The following CUX1 variants were observed in gnomAD, a reference collection of about 807,000 sequenced individuals.
The protein encoded by CUX1 is protein CASP.
CUX1 carries 31 observed loss-of-function variants against 158.8 expected under a neutral mutation model. The observed-to-expected ratio is 0.20, with a 90% CI of 0.15 to 0.26. CUX1 has a LOEUF of 0.26. Among genes scored for constraint, CUX1 ranks in the 10% least tolerant of loss-of-function variants. The probability of loss-of-function intolerance (pLI) is 1.00; values close to 1 mark genes in which losing one functional copy is unlikely to be tolerated. For synonymous variants in CUX1, 879 were observed against 862.1 expected (o/e 1.02, Z -0.34); for missense variants, 1,589 against 2,014.6 (o/e 0.79, Z 4.04).
At chr7:101,954,851 G>A (rs1809563171) in intron 2 of CUX1, among the ~76,000 whole-genome samples, 1 of 151,892 alleles carries the variant, frequency 6.6e-6, no homozygotes, top group Non-Finnish European at 1.5e-5. Context: ...GCATTACATA[G>A]AAATATTTGA....
intron 2 of CUX1, among the ~76,000 whole-genome samples, chr7:102,020,886 A>G (rs551798309): frequency 1.6e-4 from 25 of 151,858 alleles, no homozygotes; most frequent in Admixed American, 5.9e-4. Context: ...GTTTGGAAAA[A>G]AAAAAAAAAA....
chr7:102,202,260 C>A lies in CUX1; in HGVS notation c.2907+56C>A, dbSNP rs1009879500. 13 of 1,539,440 alleles carry A rather than the reference C, an allele frequency of 8.4e-6. No homozygotes were observed. The Admixed American group carries it at 2.3e-4, about 28-fold the overall frequency. On this transcript the variant is annotated intron_variant, in intron 18 of 23. Coordinates refer to ENST00000292535, the MANE Select transcript of CUX1 (RefSeq NM_181552.4). ...TCCCATCTCTTCTCCTTGCTGAGGA[C>A]CAAGTATCTATCCCGCAGCCTGTGA...
intron 20 of CUX1, among the ~76,000 whole-genome samples, chr7:102,206,348 A>T (rs1795947061): frequency 1.3e-5 from 2 of 152,170 alleles, no homozygotes; most frequent in African/African-American, 4.8e-5. Context: ...GGAAGAAGGG[A>T]TCACTCATTC....
At chr7:102,125,115 A>G (rs1007958473) in intron 8 of CUX1, among the ~76,000 whole-genome samples, 6 of 152,034 alleles carry the variant, frequency 3.9e-5, no homozygotes, top group African/African-American at 1.4e-4. Flanking sequence ...AACTACCTCA[A>G]AAGACCGGCT....
chr7:101,905,368 GA>G (rs1802635478), intron 1 of CUX1, among the ~76,000 whole-genome samples: 1 of 152,208 alleles, frequency 6.6e-6, no homozygotes, highest in Non-Finnish European at 1.5e-5. Flanking sequence ...AAGGGAGCTG[GA>G]GCGACAGCCA....
intron 8 of CUX1, among the ~76,000 whole-genome samples, chr7:102,128,987 A>G (rs1437120914): frequency 6.6e-6 from 1 of 151,722 alleles, no homozygotes; most frequent in African/African-American, 2.4e-5. Flanking sequence ...AAAAAAAGAG[A>G]AAAGAATGCC....
chr7:101,913,519 G>C (rs1474931194), intron 1 of CUX1: 3 of 736,378 alleles, frequency 4.1e-6, no homozygotes, highest in Non-Finnish European at 5.5e-6. Context: ...GCCCAGGGAG[G>C]GGCAGGTGGG....
At chr7:102,104,154 C>T (rs1371736769) in intron 5 of CUX1, among the ~76,000 whole-genome samples, 182 bp from the exon 6 acceptor site, 1 of 151,838 alleles carries the variant, frequency 6.6e-6, no homozygotes, top group Non-Finnish European at 1.5e-5. Context: ...GTTTAAAGTT[C>T]AATTTAACAT....
At chr7:102,233,762 G>T (rs1200742399) in intron 21 of CUX1, among the ~76,000 whole-genome samples, 2 of 152,134 alleles carry the variant, frequency 1.3e-5, no homozygotes, top group African/African-American at 4.8e-5. Flanking sequence ...GCTCCAGCCT[G>T]GGTGACAGAG....
At chr7:101,962,627 G>A (rs1286815784) in intron 2 of CUX1, among the ~76,000 whole-genome samples, 6 of 152,184 alleles carry the variant, frequency 3.9e-5, no homozygotes, top group Non-Finnish European at 8.8e-5. Context: ...CTTCCTGGGA[G>A]AAATGGATTT....
intron 2 of CUX1, among the ~76,000 whole-genome samples, chr7:101,955,604 A>G (rs1809674890): frequency 6.6e-6 from 1 of 152,054 alleles, no homozygotes; most frequent in Admixed American, 6.5e-5. Context: ...CCCCTCTCCT[A>G]ATTTGCACCC....
chr7:101,960,833 C>A (rs1810386778), intron 2 of CUX1: 1 of 152,154 alleles, frequency 6.6e-6, no homozygotes, highest in African/African-American at 2.4e-5. Flanking sequence ...TTAAGAGCTT[C>A]CTCCCTCTCA....
rs1213008263 is a variant in CUX1 at position 102,249,098 on chromosome 7, T to TCGGACGGGGC, written c.*57_*66dup. The stretch of plus-strand genomic sequence containing the variant: ...CTGGGCCGCAAGGGCCTGGACGGGG[T>TCGGACGGGGC]CGGACGGGGCAGGCGCTGCGGACAC... On this transcript the variant is annotated 3_prime_UTR_variant, in exon 24 of 24. Transcript: ENST00000292535. 2.1e-5 allele frequency: 26 copies of TCGGACGGGGC among 1,209,984 alleles called. No homozygotes were observed. The highest frequency in any genetic ancestry group is 2.5e-5 in the Non-Finnish European group (24 of 968,934). The allele number at this position is 1,209,984 out of a possible 1,614,324, so 75.0% of individuals were successfully genotyped here.
intron 3 of CUX1, among the ~76,000 whole-genome samples, chr7:102,059,631 CA>C (rs747660590): frequency 0.013 from 1,136 of 88,208 alleles, 6 homozygotes; most frequent in African/African-American, 0.025. Context: ...GACTTCATCT[CA>C]AAAAAAAAAA....
chr7:102,111,838 C>T (rs1830921963), intron 7 of CUX1, 64 bp downstream of exon 7: 3 of 1,419,438 alleles, frequency 2.1e-6, no homozygotes, highest in Admixed American at 1.8e-5. Context: ...GTTGGGTCAG[C>T]CCCTGACCGC....
intron 16 of CUX1, among the ~76,000 whole-genome samples, 176 bp from the exon 17 acceptor site, chr7:102,199,895 C>G (rs1795225372): frequency 6.6e-6 from 1 of 152,250 alleles, no homozygotes; most frequent in Non-Finnish European, 1.5e-5. Flanking sequence ...ATCCCTCCTG[C>G]CCGGTGTCGC....
chr7:102,213,060 C>G (rs1160596795), intron 20 of CUX1, among the ~76,000 whole-genome samples: 1 of 151,992 alleles, frequency 6.6e-6, no homozygotes, highest in Non-Finnish European at 1.5e-5. Context: ...CTCAGGCTGG[C>G]CTCGAACTCC....
At chr7:101,890,103 G>A (rs772480651) in intron 1 of CUX1, among the ~76,000 whole-genome samples, 1 of 152,224 alleles carries the variant, frequency 6.6e-6, no homozygotes, top group Non-Finnish European at 1.5e-5. Flanking sequence ...AAGAGGGTGC[G>A]AGGAAAAACA....
chr7:101,913,383 C>T (rs542072937), intron 1 of CUX1: 83 of 1,266,016 alleles, frequency 6.6e-5, no homozygotes, highest in South Asian at 8.8e-5. Flanking sequence ...GTTGAGTCCC[C>T]GACTGCCAGC....
Sources: allele counts gnomAD v4.1 joint callset (sites outside exome capture counted in the v4.1 genomes callset), GRCh38; gene constraint gnomAD v4.1.1; transcripts MANE v1.5; gene names NCBI Gene and HGNC (gene_info 2026-07-23, HGNC 2026-07-21).